The following ATP2B4 variants were observed in gnomAD, a reference collection of about 807,000 sequenced individuals.
The protein encoded by ATP2B4 is ATPase plasma membrane Ca2+ transporting 4, also known as plasma membrane calcium-transporting ATPase 4.
ATP2B4 carries 39 observed loss-of-function variants against 110.3 expected under a neutral mutation model. The ratio of observed to expected loss-of-function variants is 0.35; its 90% CI spans 0.27 to 0.46. ATP2B4 has a LOEUF of 0.46. Ranked by LOEUF, ATP2B4 falls within the 20% of genes least tolerant of loss-of-function variation. The pLI, the probability that ATP2B4 is intolerant of heterozygous loss-of-function variation, is 1.00. For synonymous variants in ATP2B4, 538 were observed against 571.7 expected, an observed-to-expected ratio of 0.94 and a Z score of 0.84; for missense variants, 1,135 against 1,530.9, an observed-to-expected ratio of 0.74 and a Z score of 4.32.
At chr1:203,730,887 A>G (rs1447549809) in intron 20 of ATP2B4, among the ~76,000 whole-genome samples, 1 of 152,224 alleles carries the variant, frequency 6.6e-6, no homozygotes, top group Non-Finnish European at 1.5e-5. Flanking sequence ...GAGGCTAATG[A>G]TGCTAACGTG....
At chr1:203,712,240 A>G in intron 13 of ATP2B4, 101 bp downstream of exon 13, 1 of 1,343,514 alleles carries the variant, frequency 7.4e-7, no homozygotes, top group Non-Finnish European at 1.0e-6. Flanking sequence ...GGTGGTTTCT[A>G]AAGTGAAAGC....
At chr1:203,636,660 T>A (rs1262053826) in intron 1 of ATP2B4, among the ~76,000 whole-genome samples, 3 of 152,196 alleles carry the variant, frequency 2.0e-5, no homozygotes, top group African/African-American at 7.2e-5. Context: ...TTGTCTGCTG[T>A]GTAACCTTGA....
intron 15 of ATP2B4, among the ~76,000 whole-genome samples, chr1:203,719,245 A>AAAAAAAAAAAAAAAAAG (rs1558050066): frequency 1.0e-5 from 1 of 98,794 alleles, no homozygotes; most frequent in African/African-American, 3.5e-5. Flanking sequence ...AAAAAAAAAA[A>AAAAAAAAAAAAAAAAAG]GCAAGAGAGA....
At chr1:203,731,344 C>T (rs1666705346) in intron 20 of ATP2B4, among the ~76,000 whole-genome samples, 1 of 152,184 alleles carries the variant, frequency 6.6e-6, no homozygotes, top group South Asian at 2.1e-4. Context: ...CATCTTCCCT[C>T]CTGGGAAAAT....
chr1:203,672,314 T>C (rs1205867981), intron 1 of ATP2B4, among the ~76,000 whole-genome samples: 8 of 145,872 alleles, frequency 5.5e-5, no homozygotes. Context: ...CTGAGTAAGT[T>C]GCGGTGGCTC....
At chr1:203,737,126 G>A (rs1666896695) in intron 20 of ATP2B4, among the ~76,000 whole-genome samples, 1 of 152,048 alleles carries the variant, frequency 6.6e-6, no homozygotes, top group Non-Finnish European at 1.5e-5. Flanking sequence ...TTGTTTACCT[G>A]TAACAGTATT....
At position 203,682,932 on chromosome 1, in the gene ATP2B4, G is replaced by A; in HGVS notation, c.-274G>A. ...ACAACTACTATCATCACCACCTGGG[G>A]ACACCAATCATCGTGACACGGAGTC... On this transcript the variant is annotated 5_prime_UTR_variant, in exon 2 of 21. Transcript: ENST00000357681. 2.7e-6 allele frequency: 1 copy of A among 367,072 alleles called. No individual in the cohort carries two copies. The highest frequency in any genetic ancestry group is 5.3e-5 in the East Asian group (1 of 18,978). 22.7% of individuals were successfully genotyped at this position (367,072 alleles called of 1,614,324 possible).
At chr1:203,727,049 T>G (rs1666544060) in intron 19 of ATP2B4, among the ~76,000 whole-genome samples, 1 of 152,210 alleles carries the variant, frequency 6.6e-6, no homozygotes, top group Non-Finnish European at 1.5e-5. Context: ...CCATGCTGTA[T>G]AGTTCTGTTA....
At chr1:203,716,713 G>C (rs1666167744) in intron 15 of ATP2B4, among the ~76,000 whole-genome samples, 1 of 144,872 alleles carries the variant, frequency 6.9e-6, no homozygotes, top group South Asian at 2.4e-4. Flanking sequence ...TTTGTCTGCA[G>C]AGACTATCCC....
At chr1:203,636,316 A>G (rs1663435582) in intron 1 of ATP2B4, among the ~76,000 whole-genome samples, 6 of 152,058 alleles carry the variant, frequency 3.9e-5, no homozygotes, top group Admixed American at 3.9e-4. Flanking sequence ...GACCCAAATC[A>G]TTGTGCTACC....
chr1:203,714,060 T>C lies in ATP2B4; in HGVS notation c.2300-111T>C, dbSNP rs142723787. 6.8e-4 allele frequency: 727 copies of C among 1,062,932 alleles called. 3 individuals carry two copies. The African/African-American group carries it at 9.9e-3, about 14-fold the overall frequency. 65.8% of individuals were successfully genotyped at this position (1,062,932 alleles called of 1,614,324 possible). On this transcript the variant is annotated intron_variant, in intron 14 of 20. Coordinates refer to ENST00000357681, the MANE Select transcript of ATP2B4 (RefSeq NM_001684.5). ...CCTTAGGTGGTTCCTGTAGAACTTC[T>C]AGGAAAGGGAAAAGGGAAGGAAAGA...
chr1:203,653,979 A>T (rs66813451), intron 1 of ATP2B4, among the ~76,000 whole-genome samples: 16 of 8,584 alleles, frequency 1.9e-3, no homozygotes, highest in Non-Finnish European at 4.6e-3. Context: ...ATATATATAT[A>T]TATATATTTT....
Position 203,708,014 on chromosome 1 carries a change from A to G in ATP2B4, c.1467A>G (p.Gln489=), listed in dbSNP as rs762309749. The change falls in exon 10 of 21, where the codon CAA becomes CAG. Residue 489 remains glutamine, a synonymous_variant. Coordinates refer to ENST00000357681, the MANE Select transcript of ATP2B4 (RefSeq NM_001684.5). ...ATATTGGGGGCATCCATTACCGTCA[A>G]ATCCCAAGCCCTGATGTCTTCCTGC... The part of the protein sequence containing the change: ...QAYIGGIHYR[Q]IPSPDVFLPK... The G allele has an allele frequency of 6.2e-7, 1 of 1,614,178 alleles. No individual in the cohort carries two copies. Among genetic ancestry groups the G allele is most frequent in the Admixed American group, 1.7e-5 (1 of 60,026 alleles).
At chr1:203,680,550 C>G (rs1449342880) in intron 1 of ATP2B4, among the ~76,000 whole-genome samples, 11 of 149,834 alleles carry the variant, frequency 7.3e-5, no homozygotes, top group African/African-American at 1.2e-4. Context: ...TGGAGCTTGC[C>G]GTGAGCTGAG....
intron 1 of ATP2B4, among the ~76,000 whole-genome samples, chr1:203,659,867 A>C (rs557103841): frequency 3.3e-5 from 5 of 152,202 alleles, no homozygotes; most frequent in Admixed American, 3.3e-4. Flanking sequence ...GTGGATCACA[A>C]GATCAGGAGT....
intron 2 of ATP2B4, among the ~76,000 whole-genome samples, chr1:203,687,523 A>G (rs1381385606): frequency 6.6e-6 from 1 of 152,238 alleles, no homozygotes; most frequent in Non-Finnish European, 1.5e-5. Context: ...GAATAAAGAA[A>G]TGTACCTGGT....
chr1:203,645,034 A>G (rs1156407235), intron 1 of ATP2B4, among the ~76,000 whole-genome samples: 1 of 152,170 alleles, frequency 6.6e-6, no homozygotes, highest in African/African-American at 2.4e-5. Flanking sequence ...GGCACAAAAC[A>G]GGTCAGGCTA....
chr1:203,649,868 G>T (rs567598749), intron 1 of ATP2B4, among the ~76,000 whole-genome samples: 1 of 152,122 alleles, frequency 6.6e-6, no homozygotes, highest in Admixed American at 6.5e-5. Context: ...GCCCCCACTC[G>T]TACCCGGCCA....
chr1:203,724,514 G>A (rs959819046), intron 19 of ATP2B4, among the ~76,000 whole-genome samples: 1 of 149,692 alleles, frequency 6.7e-6, no homozygotes, highest in Non-Finnish European at 1.5e-5. Flanking sequence ...AAGACTCAGT[G>A]TCAAAAAGAA....
Sources: allele counts gnomAD v4.1 joint callset (sites outside exome capture counted in the v4.1 genomes callset), GRCh38; gene constraint gnomAD v4.1.1; transcripts MANE v1.5; gene names NCBI Gene and HGNC (gene_info 2026-07-23, HGNC 2026-07-21).